Variants in REDIC1 observed in about 807,000 individuals in gnomAD.
The protein encoded by REDIC1 is regulator of DNA class I crossover intermediates 1, also known as HEI10 Interacting Protein 1.
chr12:39,839,614 A>C, the REDIC1 span, among the ~76,000 whole-genome samples: 1 of 151,980 alleles, frequency 6.6e-6, no homozygotes, highest in South Asian at 2.1e-4. Context: ...GCTGCTTGAC[A>C]CTATTCCCTT....
At chr12:39,903,331 AT>A in the REDIC1 span, among the ~76,000 whole-genome samples, 1 of 152,112 alleles carries the variant, frequency 6.6e-6, no homozygotes, top group African/African-American at 2.4e-5. Flanking sequence ...TTCAGGAAGC[AT>A]TTTTCCAAAA....
the REDIC1 span, chr12:39,647,038 C>T: frequency 1.9e-6 from 1 of 530,274 alleles, no homozygotes; most frequent in Non-Finnish European, 3.3e-6. Context: ...GAAATCTATG[C>T]CTTAAGAATA....
At chr12:39,716,032 A>G in the REDIC1 span, among the ~76,000 whole-genome samples, 1 of 151,976 alleles carries the variant, frequency 6.6e-6, no homozygotes, top group Non-Finnish European at 1.5e-5. Flanking sequence ...AGATTCTGTT[A>G]CAGAGAGCAT....
the REDIC1 span, among the ~76,000 whole-genome samples, chr12:39,863,740 CG>C: frequency 6.6e-6 from 1 of 152,088 alleles, no homozygotes; most frequent in African/African-American, 2.4e-5. Context: ...AAATAAAAGT[CG>C]TGCTATGATG....
the REDIC1 span, among the ~76,000 whole-genome samples, chr12:39,870,289 C>A: frequency 2.2e-4 from 34 of 152,280 alleles, no homozygotes; most frequent in South Asian, 8.3e-4. Context: ...CAGCTATTAT[C>A]TCTTCTTAGC....
the REDIC1 span, among the ~76,000 whole-genome samples, chr12:39,867,416 G>A: frequency 1.3e-5 from 2 of 151,640 alleles, no homozygotes; most frequent in Admixed American, 6.6e-5. Flanking sequence ...GAATGGATGG[G>A]CCACCATACT....
the REDIC1 span, among the ~76,000 whole-genome samples, chr12:39,860,880 C>A: frequency 6.6e-6 from 1 of 152,138 alleles, no homozygotes; most frequent in Admixed American, 6.5e-5. Context: ...GGCACCCACA[C>A]CCACCCAGAG....
the REDIC1 span, among the ~76,000 whole-genome samples, chr12:39,669,536 G>A: frequency 6.6e-6 from 1 of 152,336 alleles, no homozygotes; most frequent in South Asian, 2.1e-4. Context: ...TCCATTCTGA[G>A]ATCTCCAGCT....
chr12:39,772,612 AGAG>A, the REDIC1 span, among the ~76,000 whole-genome samples: 3 of 152,224 alleles, frequency 2.0e-5, no homozygotes, highest in African/African-American at 7.2e-5. Context: ...GAAAGAAAAA[AGAG>A]AAGAAGAAAG....
the REDIC1 span, among the ~76,000 whole-genome samples, chr12:39,696,578 A>T: frequency 7.3e-6 from 1 of 137,048 alleles, no homozygotes; most frequent in African/African-American, 3.1e-5. Context: ...AAAAAAAAAA[A>T]AATAACGCAC....
At chr12:39,684,440 T>C in the REDIC1 span, 2 of 235,734 alleles carry the variant, frequency 8.5e-6, no homozygotes, top group Admixed American at 6.4e-5. Flanking sequence ...TATTGATTGA[T>C]AAAAAGATGC....
At chr12:39,813,661 A>C in the REDIC1 span, among the ~76,000 whole-genome samples, 6 of 152,192 alleles carry the variant, frequency 3.9e-5, no homozygotes, top group Non-Finnish European at 5.9e-5. Context: ...CAAGATTCAA[A>C]TAAGGCCCAT....
the REDIC1 span, among the ~76,000 whole-genome samples, chr12:39,776,264 A>G: frequency 3.8e-5 from 1 of 26,424 alleles, no homozygotes; most frequent in African/African-American, 1.5e-4. Context: ...TTCCATATTT[A>G]TACTACACAC....
the REDIC1 span, chr12:39,640,997 A>G: frequency 1.2e-6 from 2 of 1,608,850 alleles, no homozygotes; most frequent in Admixed American, 1.7e-5. Context: ...AGCAAAAGGT[A>G]AAGAAAAAGT....
chr12:39,903,509 G>A, the REDIC1 span, among the ~76,000 whole-genome samples: 1 of 152,050 alleles, frequency 6.6e-6, no homozygotes, highest in East Asian at 1.9e-4. Flanking sequence ...TTTTTGGGAA[G>A]AGTGAGGGAA....
chr12:39,680,828 TAA>T, the REDIC1 span, among the ~76,000 whole-genome samples: 1 of 151,624 alleles, frequency 6.6e-6, no homozygotes, highest in African/African-American at 2.4e-5. Context: ...TACTCAGCCA[TAA>T]AAAGGAATGA....
the REDIC1 span, among the ~76,000 whole-genome samples, chr12:39,741,635 GT>G: frequency 1.2e-4 from 18 of 152,162 alleles, no homozygotes; most frequent in Non-Finnish European, 1.9e-4. Context: ...CCACAGTTTG[GT>G]TTTACACATT....
At chr12:39,692,481 C>T in the REDIC1 span, among the ~76,000 whole-genome samples, 1 of 151,328 alleles carries the variant, frequency 6.6e-6, no homozygotes, top group African/African-American at 2.4e-5. Flanking sequence ...TTTTTAACTG[C>T]TTTATTTTGA....
chr12:39,717,124 CATATATATACATATATATGTT>C, the REDIC1 span, among the ~76,000 whole-genome samples: 3,331 of 149,696 alleles, frequency 0.022, 48 homozygotes, highest in East Asian at 0.042. Context: ...TATATACATA[CATATATATACATATATATGTT>C]ATATATATAC....
Sources: allele counts gnomAD v4.1 joint callset (sites outside exome capture counted in the v4.1 genomes callset), GRCh38; gene constraint gnomAD v4.1.1; transcripts MANE v1.5; gene names NCBI Gene and HGNC (gene_info 2026-07-23, HGNC 2026-07-21).